INF2: variants seen among roughly 807,000 people sequenced by gnomAD.
INF2 encodes the protein inverted formin 2.
A neutral mutation model predicts 123.5 loss-of-function variants in INF2; 43 were observed. The ratio of observed to expected loss-of-function variants is 0.35; its 90% CI spans 0.27 to 0.45. The LOEUF is 0.45. INF2 is among the 20% of genes least tolerant of loss of function. The pLI is 1.00. For missense variants in INF2, 1,453 were observed against 1,682.7 expected (o/e 0.86, Z 2.39); for synonymous variants, 851 against 745.0 (o/e 1.14, Z -2.32).
upstream of INF2, among the ~76,000 whole-genome samples, chr14:104,688,784 C>A (rs1888773181): frequency 6.6e-6 from 1 of 152,252 alleles, no homozygotes; most frequent in Admixed American, 6.5e-5. Flanking sequence ...GCGCTGCTTC[C>A]TGCAGCTCTG....
chr14:104,696,295 T>C (rs1889186881), intron 1 of INF2, among the ~76,000 whole-genome samples: 1 of 152,146 alleles, frequency 6.6e-6, no homozygotes, highest in African/African-American at 2.4e-5. Flanking sequence ...GGACTGCAGG[T>C]GGCATGAGGG....
chr14:104,686,283 G>A (rs1888661213), upstream of INF2, among the ~76,000 whole-genome samples: 1 of 151,064 alleles, frequency 6.6e-6, no homozygotes. Context: ...GGATGGATAA[G>A]GGTAGGTGGA....
intron 22 of INF2, among the ~76,000 whole-genome samples, chr14:104,717,019 A>C (rs1419277161): frequency 5.9e-5 from 9 of 152,230 alleles, no homozygotes; most frequent in South Asian, 2.1e-4. Context: ...AAAATCTTCA[A>C]CACCACAGGA....
chr14:104,686,118 T>C (rs979543249), upstream of INF2, among the ~76,000 whole-genome samples: 1 of 133,074 alleles, frequency 7.5e-6, no homozygotes, highest in Non-Finnish European at 1.6e-5. Flanking sequence ...GGTGGATGAG[T>C]GGATGATGGG....
At chr14:104,713,017 C>T in intron 18 of INF2, 25 bp downstream of exon 18, 1 of 1,611,626 alleles carries the variant, frequency 6.2e-7, no homozygotes. Context: ...CGGGACACAG[C>T]CTGTCTGGCT....
chr14:104,706,263 C>G lies in INF2; in HGVS notation c.843+87C>G, dbSNP rs369652987. 5 of 1,385,192 alleles carry G rather than the reference C, an allele frequency of 3.6e-6. No homozygotes were observed. The African/African-American group carries it at 4.3e-5, about 12-fold the overall frequency. 85.8% of individuals were successfully genotyped at this position (1,385,192 alleles called of 1,614,324 possible). Reference sequence around the variant, plus strand: ...AGAGGCTGGGCCTGGAACGGTCCTCCCTGCCCTGGTCAGACCCTGCTGTGA... The same window carrying G: ...AGAGGCTGGGCCTGGAACGGTCCTCGCTGCCCTGGTCAGACCCTGCTGTGA... On this transcript the variant is annotated intron_variant, in intron 6 of 22. Coordinates refer to ENST00000392634, the MANE Select transcript of INF2 (RefSeq NM_022489.4).
At chr14:104,685,220 G>T (rs191095564), upstream of INF2, among the ~76,000 whole-genome samples, 1 of 152,124 alleles carries the variant, frequency 6.6e-6, no homozygotes, top group Non-Finnish European at 1.5e-5. Context: ...CCCACCCACC[G>T]TCCCTTCTAA....
intron 1 of INF2, among the ~76,000 whole-genome samples, chr14:104,691,017 C>G (rs1888920228): frequency 6.6e-6 from 1 of 152,212 alleles, no homozygotes; most frequent in Non-Finnish European, 1.5e-5. Flanking sequence ...CCTGCCCTCC[C>G]ATCCCTGGAC....
chr14:104,710,324 C>G (rs1360822123), intron 13 of INF2, 136 bp downstream of exon 13: 2 of 660,550 alleles, frequency 3.0e-6, no homozygotes, highest in Non-Finnish European at 5.3e-6. Flanking sequence ...GCCTTCACCA[C>G]CACTCCGGAA....
chr14:104,707,760 G>A lies in INF2; in HGVS notation c.1493G>A (p.Gly498Glu). The stretch of plus-strand genomic sequence containing the variant: ...CCACCTCCACCACTCCCGGGCTTGG[G>A]ATGCCCGCCCCCACCCCCACCCCTG... ...PPPPPPLPGL[G>E]CPPPPPPLLP... Residue 498 changes from glycine (G) to glutamate (E), a missense_variant, in exon 8 of 23, where the codon GGA (glycine) becomes GAA (glutamate). Gly to Glu is a moderately conservative substitution (Grantham distance 98). Coordinates refer to ENST00000392634, the MANE Select transcript of INF2 (RefSeq NM_022489.4). 1 of 1,324,922 alleles carries A rather than the reference G, an allele frequency of 7.5e-7. No homozygotes were observed. The highest frequency in any genetic ancestry group is 1.0e-6 in the Non-Finnish European group (1 of 969,932). The allele number at this position is 1,324,922 out of a possible 1,614,324, so 82.1% of individuals were successfully genotyped here. A position where few individuals can be genotyped will look rare whatever the true frequency, so the allele number is the denominator to read the frequency against.
At chr14:104,716,022 G>A (rs1376188162) in intron 22 of INF2, 6 of 450,210 alleles carry the variant, frequency 1.3e-5, no homozygotes, top group Middle Eastern at 6.5e-4. Flanking sequence ...AGCCAGGTCC[G>A]TCCACAGGGC....
chr14:104,713,029 G>A (rs1427863363), intron 18 of INF2, 37 bp downstream of exon 18: 2 of 1,611,022 alleles, frequency 1.2e-6, no homozygotes, highest in Non-Finnish European at 1.7e-6. Flanking sequence ...TGTCTGGCTA[G>A]AGTGGGGTCC....
At position 104,701,656 on chromosome 14, in the gene INF2, G is replaced by T. The variant is rs1334953478; in HGVS notation, c.291G>T (p.Leu97=). 8 of 1,595,364 alleles carry T rather than the reference G, an allele frequency of 5.0e-6. No homozygotes were observed. Among genetic ancestry groups the T allele is most frequent in the Non-Finnish European group, 6.8e-6 (8 of 1,172,684 alleles). The change falls in exon 2 of 23, where the codon CTG becomes CTT. Residue 97 remains leucine, a synonymous_variant. Transcript: ENST00000392634. ...RGVARISDAL[L]QLTCVSCVRA... Reference sequence around the variant, plus strand: ...TTGCACGTATCTCCGACGCCCTGCTGCAGCTCACCTGCGTCAGCTGCGTGC... The same window carrying T: ...TTGCACGTATCTCCGACGCCCTGCTTCAGCTCACCTGCGTCAGCTGCGTGC...
intron 1 of INF2, among the ~76,000 whole-genome samples, chr14:104,698,528 G>A (rs1327033702): frequency 6.6e-6 from 1 of 152,240 alleles, no homozygotes; most frequent in African/African-American, 2.4e-5. Flanking sequence ...GATGCCCTGA[G>A]AGAGGCTGCT....
At chr14:104,710,706 C>T (rs1341733424) in intron 13 of INF2, 6 of 583,054 alleles carry the variant, frequency 1.0e-5, no homozygotes, top group Admixed American at 3.0e-5. Flanking sequence ...GGGACAGGTA[C>T]GGACCAGTGA....
In INF2 at chr14:104,713,329, G is replaced by A; in HGVS notation, c.2878+20G>A. 3 of 1,551,116 alleles carry A rather than the reference G, an allele frequency of 1.9e-6. No individual in the cohort carries two copies. The highest frequency in any genetic ancestry group is 3.9e-5 in the Admixed American group (2 of 51,084). Reference sequence around the variant, plus strand: ...AGCCTGGTGAGGCTGGGCCGGCTGGGCGGGGAGGGGGTGACTCTGGGATCC... The same window carrying A: ...AGCCTGGTGAGGCTGGGCCGGCTGGACGGGGAGGGGGTGACTCTGGGATCC... On this transcript the variant is annotated intron_variant, in intron 19 of 22. Transcript: ENST00000392634.
intron 2 of INF2, 63 bp downstream of exon 2, chr14:104,701,819 C>A: frequency 7.0e-7 from 1 of 1,427,408 alleles, no homozygotes; most frequent in Non-Finnish European, 9.2e-7. Context: ...AGGCTTCAGG[C>A]CCAAAAGGCC....
In INF2 at chr14:104,713,242, A is replaced by G. The variant is rs1024579304; in HGVS notation, c.2811A>G (p.Ala937=). ...NKDRKEQAAK[A]ERRKQQLAEE... Reference sequence around the variant, plus strand: ...ACCGGAAGGAGCAGGCGGCGAAGGCAGAGAGGAGGAAGCAGCAGCTGGCGG... The same window carrying G: ...ACCGGAAGGAGCAGGCGGCGAAGGCGGAGAGGAGGAAGCAGCAGCTGGCGG... The change falls in exon 19 of 23, where the codon GCA becomes GCG. Residue 937 remains alanine, a synonymous_variant. Coordinates refer to ENST00000392634, the MANE Select transcript of INF2 (RefSeq NM_022489.4). 49 of 1,552,600 alleles carry G rather than the reference A, an allele frequency of 3.2e-5. No homozygotes were observed. The highest frequency in any genetic ancestry group is 4.3e-5 in the Non-Finnish European group (49 of 1,148,848).
chr14:104,711,196 G>T lies in INF2; in HGVS notation c.2418+10G>T, dbSNP rs748035327. 141 of 1,549,848 alleles carry T rather than the reference G, an allele frequency of 9.1e-5. No individual in the cohort carries two copies. The highest frequency in any genetic ancestry group is 3.9e-5 in the Admixed American group (2 of 51,440). On this transcript the variant is annotated intron_variant, in intron 15 of 22. Transcript: ENST00000392634. ...GCACCACGTGCTGGAGGTGGGCCGTGGTGGCGGGGGCATAATGGGAGGGCT... is the reference window on the plus strand; with the variant it reads ...GCACCACGTGCTGGAGGTGGGCCGTTGTGGCGGGGGCATAATGGGAGGGCT...
Sources: gnomAD v4.1 joint callset for allele counts (sites outside exome capture counted in the v4.1 genomes callset) on GRCh38, gnomAD v4.1.1 for gene constraint, MANE v1.5 for transcripts, NCBI Gene and HGNC (gene_info 2026-07-23, HGNC 2026-07-21) for gene names.